Variants in MEX3D observed in about 807,000 individuals in gnomAD.
MEX3D encodes mex-3 RNA binding family member D, also known as RNA-binding protein MEX3D.
Under a neutral mutation model 6.3 loss-of-function variants are expected in MEX3D, and 4 were observed. The ratio of observed to expected loss-of-function variants is 0.64; its 90% CI spans 0.31 to 1.46. MEX3D has a LOEUF of 1.46. MEX3D is among the 40% of genes most tolerant of loss of function. The pLI is 0.07. For missense variants in MEX3D, 1,038 were observed against 994.4 expected (o/e 1.04, Z -0.59); for synonymous variants, 626 against 494.1 (o/e 1.27, Z -3.54).
At chr19:1,562,412 T>C (rs1226044552) in intron 1 of MEX3D, among the ~76,000 whole-genome samples, 1 of 141,006 alleles carries the variant, frequency 7.1e-6, no homozygotes, top group Non-Finnish European at 1.6e-5. Context: ...GTAATCCCAG[T>C]TACTCGGGAG....
Position 1,556,707 on chromosome 19 carries a change from G to A in MEX3D, c.812C>T (p.Pro271Leu). The change falls in exon 2 of 2, where the codon CCC (proline) becomes CTC (leucine). Residue 271 changes from proline to leucine, a missense_variant. Pro to Leu is a moderately conservative substitution (Grantham distance 98, BLOSUM62 -3). Coordinates refer to ENST00000402693, the MANE Select transcript of MEX3D (RefSeq NM_203304.4). The surrounding 1 kb of genome is among the most constrained non-coding windows in gnomAD (Gnocchi z 7.5). ...PGAAQGPPNL[P>L]GQTTIQVRVP... is the part of the protein sequence containing the mutation. ...GCGCACCTGGATGGTGGTCTGTCCG[G>A]GAAGGTTGGGCGGGCCCTGGGCGGC... 2 of 1,611,100 alleles carry A rather than the reference G, an allele frequency of 1.2e-6. No individual in the cohort carries two copies. The highest frequency in any genetic ancestry group is 1.7e-6 in the Non-Finnish European group (2 of 1,179,014).
rs944783200 is a variant in MEX3D at position 1,568,271 on chromosome 19, T to TCGG, written c.-216_-214dup. Among the ~76,000 whole-genome samples the TCGG allele has an allele frequency of 1.5e-4, 19 of 130,918 alleles. No individual in the cohort carries two copies. The highest frequency in any genetic ancestry group is 7.9e-4 in the East Asian group (3 of 3,810). The allele number at this position is 130,918 out of a possible 152,430, so 85.9% of individuals were successfully genotyped here. A position where few individuals can be genotyped will look rare whatever the true frequency, so the allele number is the denominator to read the frequency against. On this transcript the variant is annotated 5_prime_UTR_variant, in exon 1 of 2. Transcript: ENST00000402693. Reference sequence around the variant, plus strand: ...CGGCGGCAGCGACTCTGGCTGCGGCTCGGCGGCGGCGGCGACGGCGGCGGC... The same window carrying TCGG: ...CGGCGGCAGCGACTCTGGCTGCGGCTCGGCGGCGGCGGCGGCGACGGCGGCGGC...
rs896968896 is a variant in MEX3D, at chr19:1,567,331, G to C, written c.595+133C>G. ...ACAAAGGCGCAAAGGCAGCGGCCGA[G>C]GCCGGAGCCCACGCGGGGCGTGTCC... On this transcript the variant is annotated intron_variant, in intron 1 of 1. Transcript: ENST00000402693. This position sits in a 1 kb window ranked among gnomAD's most constrained non-coding sequence, Gnocchi z 6.5. The C allele has an allele frequency of 2.8e-6, 3 of 1,077,874 alleles. No individual in the cohort carries two copies. The highest frequency in any genetic ancestry group is 3.6e-6 in the Non-Finnish European group (3 of 824,256). 66.8% of individuals were successfully genotyped at this position (1,077,874 alleles called of 1,614,324 possible).
Position 1,555,370 on chromosome 19 carries a change from C to T in MEX3D, c.*193G>A, listed in dbSNP as rs140310033. ...GAAGGGCTGAGGCGCCGCCGGGCTGCGGGGTCTCCGTCTCCACGCCTGAGG... is the reference window on the plus strand; with the variant it reads ...GAAGGGCTGAGGCGCCGCCGGGCTGTGGGGTCTCCGTCTCCACGCCTGAGG... On this transcript the variant is annotated 3_prime_UTR_variant, in exon 2 of 2. Coordinates refer to ENST00000402693, the MANE Select transcript of MEX3D (RefSeq NM_203304.4). 19 of 1,599,870 alleles carry T rather than the reference C, an allele frequency of 1.2e-5. No individual in the cohort carries two copies. Among genetic ancestry groups the T allele is most frequent in the Non-Finnish European group, 1.6e-5 (19 of 1,172,512 alleles).
rs997184548 is a variant in MEX3D, at chr19:1,565,850, G to A, written c.595+1614C>T. Among the ~76,000 whole-genome samples, 3 of 152,318 alleles carry A rather than the reference G, an allele frequency of 2.0e-5. No individual in the cohort carries two copies. In the South Asian group the frequency reaches 6.2e-4, roughly 32 times the overall value. Reference sequence around the variant, plus strand: ...GAGAATTCCCACCCTGAGGCCACAGGTCTAGAAGCTCTCAGCCTGACGCTG... The same window carrying A: ...GAGAATTCCCACCCTGAGGCCACAGATCTAGAAGCTCTCAGCCTGACGCTG... On this transcript the variant is annotated intron_variant, in intron 1 of 1. Coordinates refer to ENST00000402693, the MANE Select transcript of MEX3D (RefSeq NM_203304.4).
rs774367717 is a variant in MEX3D at position 1,556,181 on chromosome 19, G to A, written c.1338C>T (p.Ala446=). Residue 446 remains alanine (A), a synonymous_variant, in exon 2 of 2, where the codon GCC becomes GCT. Coordinates refer to ENST00000402693, the MANE Select transcript of MEX3D (RefSeq NM_203304.4). This position sits in a 1 kb window ranked among gnomAD's most constrained non-coding sequence, Gnocchi z 7.5. ...AGCCGAAGTCGCAGTCGTCGGGGGC[G>A]GCCGTCCCCACCGGGGCACCGGGAC... ...AEGPGAPVGT[A]APDDCDFGFD... 6.0e-5 allele frequency: 88 copies of A among 1,460,688 alleles called. No homozygotes were observed. In the African/African-American group the frequency reaches 8.2e-4, roughly 14 times the overall value. The allele number at this position is 1,460,688 out of a possible 1,614,324, so 90.5% of individuals were successfully genotyped here.
chr19:1,556,196 G>C lies in MEX3D; in HGVS notation c.1323C>G (p.Ala441=). The change falls in exon 2 of 2, where the codon GCC becomes GCG. Residue 441 remains alanine, a synonymous_variant. Coordinates refer to ENST00000402693, the MANE Select transcript of MEX3D (RefSeq NM_203304.4). This position sits in a 1 kb window ranked among gnomAD's most constrained non-coding sequence, Gnocchi z 7.5. ...GFAFGAEGPG[A]PVGTAAPDDC... is the part of the protein sequence containing the mutation. ...CGTCGGGGGCGGCCGTCCCCACCGG[G>C]GCACCGGGACCCTCCGCGCCGAAGG... 1 of 1,451,022 alleles carries C rather than the reference G, an allele frequency of 6.9e-7. No individual in the cohort carries two copies. Among genetic ancestry groups the C allele is most frequent in the African/African-American group, 1.5e-5 (1 of 66,782 alleles). The allele number at this position is 1,451,022 out of a possible 1,614,324, so 89.9% of individuals were successfully genotyped here. A position where few individuals can be genotyped will look rare whatever the true frequency, so the allele number is the denominator to read the frequency against.
intron 1 of MEX3D, among the ~76,000 whole-genome samples, chr19:1,563,652 G>A (rs755846040): frequency 2.0e-5 from 3 of 152,146 alleles, no homozygotes; most frequent in Non-Finnish European, 4.4e-5. Context: ...GAGCACCTTT[G>A]CTGGCCGGCT....
chr19:1,554,991 A>C lies in MEX3D; in HGVS notation c.*572T>G, dbSNP rs2145564980. ...AAAAAGGGGATTAATAATTAACAGA[A>C]AGTTAGAAATTTGATTGGAACGCCC... On this transcript the variant is annotated 3_prime_UTR_variant, in exon 2 of 2. Coordinates refer to ENST00000402693, the MANE Select transcript of MEX3D (RefSeq NM_203304.4). 1.3e-5 allele frequency: 2 copies of C among 152,416 alleles called. No individual in the cohort carries two copies. The highest frequency in any genetic ancestry group is 2.4e-5 in the African/African-American group (1 of 41,394). The allele number at this position is 152,416 out of a possible 1,614,324, so 9.4% of individuals were successfully genotyped here. A position where few individuals can be genotyped will look rare whatever the true frequency, so the allele number is the denominator to read the frequency against.
intron 1 of MEX3D, among the ~76,000 whole-genome samples, chr19:1,565,250 A>T (rs1914810584): frequency 6.6e-6 from 1 of 152,128 alleles, no homozygotes; most frequent in Non-Finnish European, 1.5e-5. Flanking sequence ...AAAAACAAAT[A>T]AATAAAACTG....
At position 1,567,385 on chromosome 19, in the gene MEX3D, T is replaced by A; in HGVS notation, c.595+79A>T. 1 of 1,419,114 alleles carries A rather than the reference T, an allele frequency of 7.0e-7. No homozygotes were observed. The highest frequency in any genetic ancestry group is 1.5e-5 in the African/African-American group (1 of 67,100). The allele number at this position is 1,419,114 out of a possible 1,614,324, so 87.9% of individuals were successfully genotyped here. A position where few individuals can be genotyped will look rare whatever the true frequency, so the allele number is the denominator to read the frequency against. ...GCGGGGCGTCCGGCGCGGGCTGGGC[T>A]GGGCTCGGGCGACCCCCTTCCCCGG... On this transcript the variant is annotated intron_variant, in intron 1 of 1. Coordinates refer to ENST00000402693, the MANE Select transcript of MEX3D (RefSeq NM_203304.4). This position sits in a 1 kb window ranked among gnomAD's most constrained non-coding sequence, Gnocchi z 6.5.
At chr19:1,560,662 G>A (rs574911136) in intron 1 of MEX3D, among the ~76,000 whole-genome samples, 4 of 152,302 alleles carry the variant, frequency 2.6e-5, no homozygotes, top group South Asian at 2.1e-4. Context: ...GGAGCCACGC[G>A]TGCGTCGGGG....
rs1400393317 is a variant in MEX3D, at chr19:1,567,412, G to T, written c.595+52C>A. 2.0e-6 allele frequency: 3 copies of T among 1,503,824 alleles called. No individual in the cohort carries two copies. In the African/African-American group the frequency reaches 4.3e-5, roughly 22 times the overall value. The allele number at this position is 1,503,824 out of a possible 1,614,324, so 93.2% of individuals were successfully genotyped here. On this transcript the variant is annotated intron_variant, in intron 1 of 1. Transcript: ENST00000402693. This position sits in a 1 kb window ranked among gnomAD's most constrained non-coding sequence, Gnocchi z 6.5. ...GGCTCGGGCGACCCCCTTCCCCGGG[G>T]CGGACGGTGCGGGGACCCCCAGGAC...
chr19:1,560,160 G>A (rs901772352), intron 1 of MEX3D, among the ~76,000 whole-genome samples: 3 of 152,172 alleles, frequency 2.0e-5, no homozygotes, highest in Non-Finnish European at 2.9e-5. Flanking sequence ...AACAGGCCTG[G>A]CTTCACAGGC....
intron 1 of MEX3D, among the ~76,000 whole-genome samples, chr19:1,565,810 A>G (rs117163613): frequency 0.016 from 2,404 of 152,246 alleles, 38 homozygotes; most frequent in South Asian, 0.034. Context: ...TCCATTTCCC[A>G]TGGACCTGCC....
In MEX3D at chr19:1,555,593, C is replaced by T. The variant is rs777876203; in HGVS notation, c.1926G>A (p.Pro642=). Residue 642 remains proline (P), a synonymous_variant, in exon 2 of 2, where the codon CCG becomes CCA. Coordinates refer to ENST00000402693, the MANE Select transcript of MEX3D (RefSeq NM_203304.4). ...AAAAGATATGAATGGCCTGGGTGGC[C>T]GGCGTGCGGCAGGCGGGACACTCGG... ...SEPECPACRT[P]ATQAIHIFS is the part of the protein sequence containing the mutation. The T allele has an allele frequency of 2.5e-6, 4 of 1,590,306 alleles. No homozygotes were observed. The highest frequency in any genetic ancestry group is 2.7e-5 in the African/African-American group (2 of 74,224).
rs1914868608 is a variant in MEX3D, at chr19:1,567,382, G to T, written c.595+82C>A. On this transcript the variant is annotated intron_variant, in intron 1 of 1. Transcript: ENST00000402693. The surrounding 1 kb of genome is among the most constrained non-coding windows in gnomAD (Gnocchi z 6.5). ...GGTGCGGGGCGTCCGGCGCGGGCTG[G>T]GCTGGGCTCGGGCGACCCCCTTCCC... 5 of 1,409,468 alleles carry T rather than the reference G, an allele frequency of 3.5e-6. 1 individual carries two copies. The highest frequency in any genetic ancestry group is 4.6e-6 in the Non-Finnish European group (5 of 1,080,466). The allele number at this position is 1,409,468 out of a possible 1,614,324, so 87.3% of individuals were successfully genotyped here.
rs1457632353 is a variant in MEX3D, at chr19:1,567,752, G to A, written c.307C>T (p.Pro103Ser). 4 of 960,770 alleles carry A rather than the reference G, an allele frequency of 4.2e-6. No individual in the cohort carries two copies. Among genetic ancestry groups the A allele is most frequent in the Non-Finnish European group, 5.0e-6 (4 of 804,668 alleles). 59.5% of individuals were successfully genotyped at this position (960,770 alleles called of 1,614,324 possible). The change falls in exon 1 of 2, where the codon CCC (proline) becomes TCC (serine). Residue 103 changes from proline (P) to serine (S), a missense_variant. Around this residue, in one of 5 missense-constraint regions of MEX3D, gnomAD observed 265 missense variants for 206.3 expected, o/e 1.28. Coordinates refer to ENST00000402693, the MANE Select transcript of MEX3D (RefSeq NM_203304.4). The surrounding 1 kb of genome is among the most constrained non-coding windows in gnomAD (Gnocchi z 6.5). ...GCGCCGGCCTCAGGTCCGTCGGGGGGCACAGGCTCCGGAGCCGCCCCGCCG... is the reference window on the plus strand; with the variant it reads ...GCGCCGGCCTCAGGTCCGTCGGGGGACACAGGCTCCGGAGCCGCCCCGCCG... ...ADGGAAPEPV[P>S]PDGPEAGAPP...
chr19:1,567,455 G>A lies in MEX3D; in HGVS notation c.595+9C>T. On this transcript the variant is annotated intron_variant, in intron 1 of 1. Coordinates refer to ENST00000402693, the MANE Select transcript of MEX3D (RefSeq NM_203304.4). This position sits in a 1 kb window ranked among gnomAD's most constrained non-coding sequence, Gnocchi z 6.5. Reference sequence around the variant, plus strand: ...CCCAGGACAGCAACCCCCGACGAGGGCCACTCACCCTGGCGACCCACGATC... The same window carrying A: ...CCCAGGACAGCAACCCCCGACGAGGACCACTCACCCTGGCGACCCACGATC... 1 of 1,561,232 alleles carries A rather than the reference G, an allele frequency of 6.4e-7. No individual in the cohort carries two copies. The highest frequency in any genetic ancestry group is 2.6e-5 in the East Asian group (1 of 38,210).
Sources: allele counts gnomAD v4.1 joint callset (sites outside exome capture counted in the v4.1 genomes callset), GRCh38; gene constraint gnomAD v4.1.1; regional missense constraint gnomAD v4.1.1; non-coding constraint Gnocchi (gnomAD v3.1); transcripts MANE v1.5; gene names NCBI Gene and HGNC (gene_info 2026-07-23, HGNC 2026-07-21).